BIRC6: variants seen among roughly 807,000 people sequenced by gnomAD.
BIRC6 encodes the protein dual E2 ubiquitin-conjugating enzyme/E3 ubiquitin-protein ligase BIRC6.
BIRC6 carries 98 observed loss-of-function variants against 503.3 expected under a neutral mutation model. The observed-to-expected ratio is 0.19, with a 90% CI of 0.17 to 0.23. The LOEUF (loss-of-function observed/expected upper bound fraction) is 0.23. BIRC6 is among the 10% of genes least tolerant of loss of function. The probability of loss-of-function intolerance (pLI) is 1.00; values close to 1 mark genes in which losing one functional copy is unlikely to be tolerated. For missense variants in BIRC6, 5,360 were observed against 5,806.0 expected (o/e 0.92, Z 2.50); for synonymous variants, 2,240 against 2,078.7 (o/e 1.08, Z -2.11).
chr2:32,597,969 G>GT lies in BIRC6; in HGVS notation c.13830+2dup, dbSNP rs776049335. 6.2e-7 allele frequency: 1 copy of GT among 1,605,738 alleles called. No homozygotes were observed. The highest frequency in any genetic ancestry group is 1.1e-5 in the South Asian group (1 of 90,678). On this transcript the variant is annotated splice_donor_variant, in intron 69 of 73. Coordinates refer to ENST00000421745, the MANE Select transcript of BIRC6 (RefSeq NM_016252.4). LOFTEE classifies it high-confidence loss of function. The stretch of plus-strand genomic sequence containing the variant: ...TGAGGAGCGACTTGATATCATGAAG[G>GT]TAAAAAATAATGATAATAAAGCACT...
chr2:32,435,113 G>A (rs2044553550), intron 13 of BIRC6, among the ~76,000 whole-genome samples: 2 of 152,106 alleles, frequency 1.3e-5, no homozygotes, highest in Non-Finnish European at 2.9e-5. Flanking sequence ...ATATGGATAT[G>A]TTCATATGTG....
At chr2:32,542,828 A>G (rs2057772407) in intron 61 of BIRC6, among the ~76,000 whole-genome samples, 1 of 151,684 alleles carries the variant, frequency 6.6e-6, no homozygotes. Flanking sequence ...TTTTTTTGAG[A>G]TAGTTTTGTT....
At chr2:32,497,167 C>A in intron 45 of BIRC6, among the ~76,000 whole-genome samples, 1 of 152,132 alleles carries the variant, frequency 6.6e-6, no homozygotes, top group Non-Finnish European at 1.5e-5. Flanking sequence ...TCTGTTCATA[C>A]GTTGAATTAT....
In BIRC6 at chr2:32,482,647, C is replaced by G. The variant is rs1315759910; in HGVS notation, c.7696+65C>G. 5.1e-6 allele frequency: 8 copies of G among 1,558,912 alleles called. No individual in the cohort carries two copies. The East Asian group carries it at 1.8e-4, about 35-fold the overall frequency. On this transcript the variant is annotated intron_variant, in intron 39 of 73. Coordinates refer to ENST00000421745, the MANE Select transcript of BIRC6 (RefSeq NM_016252.4). The stretch of plus-strand genomic sequence containing the variant: ...AAAACAAGTCTGTCATTTATGTATA[C>G]TTTGTCCCTTGAGAAGTTGAGCCTG...
chr2:32,381,436 C>T (rs188466781), intron 3 of BIRC6, among the ~76,000 whole-genome samples: 3 of 151,496 alleles, frequency 2.0e-5, no homozygotes, highest in Admixed American at 6.6e-5. Context: ...GACAGGGTTT[C>T]GCCATGTTGG....
At chr2:32,565,569 A>T (rs914009165) in intron 65 of BIRC6, 1 of 152,226 alleles carries the variant, frequency 6.6e-6, no homozygotes, top group Admixed American at 6.5e-5. Context: ...TACAGATAGT[A>T]CTAACCAGTG....
Position 32,380,205 on chromosome 2 carries a change from A to G in BIRC6, c.560A>G (p.Glu187Gly), listed in dbSNP as rs1249096957. 3.7e-5 allele frequency: 60 copies of G among 1,605,686 alleles called. No homozygotes were observed. The highest frequency in any genetic ancestry group is 5.1e-5 in the Non-Finnish European group (60 of 1,176,590). ...GAAAAGGTAGATATTTCTAGTACAGAGGGTTATGATTTGTTCATCACACAG... is the reference window on the plus strand; with the variant it reads ...GAAAAGGTAGATATTTCTAGTACAGGGGGTTATGATTTGTTCATCACACAG... Reference protein sequence around the residue: ...CLEKVDISSTEGYDLFITQLK... With the variant: ...CLEKVDISSTGGYDLFITQLK... The change falls in exon 3 of 74, where the codon GAG becomes GGG. Residue 187 changes from glutamate (E) to glycine (G), a missense_variant. By Grantham distance (98) the Glu-to-Gly change is moderately conservative. Transcript: ENST00000421745.
At chr2:32,411,664 G>C (rs1446736944) in intron 9 of BIRC6, among the ~76,000 whole-genome samples, 2 of 151,808 alleles carry the variant, frequency 1.3e-5, no homozygotes, top group African/African-American at 4.8e-5. Context: ...TTTTGGTAGA[G>C]ACGGGGTTTC....
At chr2:32,498,791 G>C (rs1292143006) in intron 45 of BIRC6, among the ~76,000 whole-genome samples, 2 of 152,124 alleles carry the variant, frequency 1.3e-5, no homozygotes, top group East Asian at 3.8e-4. Context: ...TCGCCATGTT[G>C]GCCAGGTTGG....
Position 32,505,041 on chromosome 2 carries a change from C to T in BIRC6, c.9536C>T (p.Ala3179Val). The change falls in exon 50 of 74, where the codon GCT becomes GTT. Residue 3179 changes from alanine to valine, a missense_variant. Transcript: ENST00000421745. The part of the protein sequence containing the change: ...ITSSSPTAQP[A>V]EVLLQATPPH... ...TCTAGCAGTCCTACTGCCCAACCAG[C>T]TGAAGTGCTATTGCAGGCCACACCT... 6.2e-7 allele frequency: 1 copy of T among 1,613,830 alleles called. No homozygotes were observed. The highest frequency in any genetic ancestry group is 8.5e-7 in the Non-Finnish European group (1 of 1,179,802).
In BIRC6 at chr2:32,372,571, TG is replaced by T. The variant is rs367865292; in HGVS notation, c.326-5015del. On this transcript the variant is annotated intron_variant, in intron 1 of 73. Transcript: ENST00000421745. Reference sequence around the variant, plus strand: ...TTTGAAATATGTTTGGGGCTGGGTGTGGTGGCTTATTCTGTAATCCCAGCAC... The same window carrying T: ...TTTGAAATATGTTTGGGGCTGGGTGTGTGGCTTATTCTGTAATCCCAGCAC... Among the ~76,000 whole-genome samples, 24 of 152,254 alleles carry T rather than the reference TG, an allele frequency of 1.6e-4. No individual in the cohort carries two copies. In the South Asian group the frequency reaches 4.4e-3, roughly 28 times the overall value.
chr2:32,366,524 G>C (rs1176324252), intron 1 of BIRC6, among the ~76,000 whole-genome samples: 3 of 152,034 alleles, frequency 2.0e-5, no homozygotes, highest in African/African-American at 7.2e-5. Context: ...TTAGTAGTCT[G>C]TCCTTAGGAA....
intron 22 of BIRC6, among the ~76,000 whole-genome samples, chr2:32,450,496 G>T (rs981935587): frequency 2.0e-5 from 3 of 152,042 alleles, no homozygotes; most frequent in African/African-American, 7.2e-5. Flanking sequence ...CCACTTTAAT[G>T]TCTCATTGTG....
In BIRC6 at chr2:32,545,855, A is replaced by G; in HGVS notation, c.12805A>G (p.Thr4269Ala). The G allele has an allele frequency of 1.2e-6, 2 of 1,610,998 alleles. No individual in the cohort carries two copies. Among genetic ancestry groups the G allele is most frequent in the Non-Finnish European group, 1.7e-6 (2 of 1,177,240 alleles). ...AGTTCCAAACTCTAGCGTGAATCAA[A>G]CTGAGGTAGGTTCACTTTTAATTAT... ...PRVPNSSVNQ[T>A]EPQVSSSHNP... is the part of the protein sequence containing the mutation. Residue 4269 changes from threonine to alanine, a missense_variant, in exon 63 of 74, where the codon ACT becomes GCT. By Grantham distance (58) the Thr-to-Ala change is moderately conservative. Coordinates refer to ENST00000421745, the MANE Select transcript of BIRC6 (RefSeq NM_016252.4).
At chr2:32,465,197 T>A (rs760400951) in intron 26 of BIRC6, 33 bp downstream of exon 26, 1 of 1,222,058 alleles carries the variant, frequency 8.2e-7, no homozygotes, top group Non-Finnish European at 1.1e-6. Context: ...TTTTTTTTTT[T>A]TTTTTTTGCT....
At chr2:32,378,262 T>G (rs1489256160) in intron 2 of BIRC6, among the ~76,000 whole-genome samples, 2 of 152,066 alleles carry the variant, frequency 1.3e-5, no homozygotes, top group African/African-American at 4.8e-5. Context: ...CCTCTCCTAC[T>G]CATTTGTTCT....
At chr2:32,500,420 ATTT>A (rs368668031) in intron 46 of BIRC6, among the ~76,000 whole-genome samples, 2 of 140,390 alleles carry the variant, frequency 1.4e-5, no homozygotes, top group African/African-American at 2.7e-5. Context: ...CACCCAGCTA[ATTT>A]TTTTTTTTTT....
chr2:32,494,182 CT>C (rs1307384913), intron 45 of BIRC6, among the ~76,000 whole-genome samples: 1 of 151,236 alleles, frequency 6.6e-6, no homozygotes, highest in Non-Finnish European at 1.5e-5. Context: ...TTATTAATGT[CT>C]TTTTTTATTC....
At chr2:32,609,080 C>T (rs2062671548) in intron 72 of BIRC6, among the ~76,000 whole-genome samples, 2 of 152,010 alleles carry the variant, frequency 1.3e-5, no homozygotes, top group Admixed American at 6.6e-5. Flanking sequence ...GGCCAGTTTT[C>T]ACCATGTTGG....
Sources: allele counts gnomAD v4.1 joint callset (sites outside exome capture counted in the v4.1 genomes callset), GRCh38; gene constraint gnomAD v4.1.1; transcripts MANE v1.5; gene names NCBI Gene and HGNC (gene_info 2026-07-23, HGNC 2026-07-21).